Variants in POSTN observed in about 807,000 individuals in gnomAD.
POSTN encodes periostin.
In POSTN, 71 loss-of-function variants were observed where a neutral mutation model predicts 104.5. The observed-to-expected ratio is 0.68, with a 90% CI of 0.56 to 0.83. POSTN has a LOEUF of 0.83. POSTN is among the 40% of genes least tolerant of loss of function. The pLI is 0.00. For synonymous variants in POSTN, 355 were observed against 340.7 expected (o/e 1.04, Z -0.46); for missense variants, 949 against 1,006.8 (o/e 0.94, Z 0.78).
In POSTN at chr13:37,597,195, A is replaced by G. The variant is rs200631677; in HGVS notation, c.207T>C (p.Cys69=). ...TCKNWYKKSI[C]GQKTTVLYEC... ...AAAAAGAGACTTACGTTTTCTGTCC[A>G]CAGATGGACTTTTTATACCAGTTCT... Residue 69 remains cysteine, a synonymous_variant, in exon 2 of 23, where the codon TGT becomes TGC. Coordinates refer to ENST00000379747, the MANE Select transcript of POSTN (RefSeq NM_006475.3). 5.3e-5 allele frequency: 83 copies of G among 1,555,494 alleles called. No individual in the cohort carries two copies. The highest frequency in any genetic ancestry group is 1.3e-4 in the Admixed American group (6 of 45,338).
chr13:37,572,378 T>G (rs146589296), intron 17 of POSTN, among the ~76,000 whole-genome samples: 108 of 151,724 alleles, frequency 7.1e-4, no homozygotes, highest in African/African-American at 2.3e-3. Flanking sequence ...AAAGTAAAGT[T>G]TTTTGAAACC....
intron 22 of POSTN, among the ~76,000 whole-genome samples, 156 bp downstream of exon 22, chr13:37,564,363 T>A (rs899407447): frequency 6.6e-6 from 1 of 151,352 alleles, no homozygotes; most frequent in African/African-American, 2.4e-5. Context: ...TATTTTCTGA[T>A]TGTTATCAAA....
rs149175978 is a variant in POSTN at position 37,597,184 on chromosome 13, G to A, written c.218C>T (p.Thr73Met). 77 of 1,534,534 alleles carry A rather than the reference G, an allele frequency of 5.0e-5. No individual in the cohort carries two copies. Among genetic ancestry groups the A allele is most frequent in the Admixed American group, 3.5e-4 (15 of 42,636 alleles). Residue 73 changes from threonine (T) to methionine (M), a missense_variant and splice_region_variant, in exon 2 of 23, where the codon ACG becomes ATG. Coordinates refer to ENST00000379747, the MANE Select transcript of POSTN (RefSeq NM_006475.3). Reference protein sequence around the residue: ...WYKKSICGQKTTVLYECCPGY... With the variant: ...WYKKSICGQKMTVLYECCPGY... ...ATTATGAAAAAAAAAAGAGACTTACGTTTTCTGTCCACAGATGGACTTTTT... is the reference window on the plus strand; with the variant it reads ...ATTATGAAAAAAAAAAGAGACTTACATTTTCTGTCCACAGATGGACTTTTT...
rs1950214396 is a variant in POSTN at position 37,569,841 on chromosome 13, A to C, written c.2270-20T>G. On this transcript the variant is annotated intron_variant, in intron 19 of 22. Coordinates refer to ENST00000379747, the MANE Select transcript of POSTN (RefSeq NM_006475.3). ...CAGGACCTATGAGAAGGACAATGAA[A>C]AAGGTCTAAAACAGAAGTAGGCAAA... The C allele has an allele frequency of 6.5e-7, 1 of 1,540,236 alleles. No homozygotes were observed. The highest frequency in any genetic ancestry group is 1.4e-5 in the African/African-American group (1 of 72,652).
Position 37,583,828 on chromosome 13 carries a change from T to C in POSTN, c.1243+141A>G. On this transcript the variant is annotated intron_variant, in intron 9 of 22. Transcript: ENST00000379747. ...GAACATTTTAGTAGAGACCATGTAG[T>C]GTTAACACATTGTATGTGTAGCCAA... 5 of 902,414 alleles carry C rather than the reference T, an allele frequency of 5.5e-6. No individual in the cohort carries two copies. In the South Asian group the frequency reaches 9.7e-5, roughly 17 times the overall value. 55.9% of individuals were successfully genotyped at this position (902,414 alleles called of 1,614,324 possible).
At chr13:37,594,972 G>A (rs994651165) in intron 2 of POSTN, among the ~76,000 whole-genome samples, 36 of 148,692 alleles carry the variant, frequency 2.4e-4, no homozygotes, top group Non-Finnish European at 4.9e-4. Flanking sequence ...AGAAAAATAA[G>A]CTAATACAAT....
intron 2 of POSTN, among the ~76,000 whole-genome samples, chr13:37,595,786 A>G (rs1977278): frequency 0.75 from 114,308 of 151,532 alleles, 43,771 homozygotes; most frequent in Middle Eastern, 0.82. Context: ...GTCTACAAGA[A>G]GTTAAGTGAT....
At chr13:37,574,759 AGGATGT>A in intron 16 of POSTN, 107 bp from the exon 17 acceptor site, 2 of 1,338,276 alleles carry the variant, frequency 1.5e-6, no homozygotes, top group Non-Finnish European at 9.7e-7. Context: ...ACTAAGGCAC[AGGATGT>A]GGTAATATGT....
At chr13:37,587,323 G>T (rs1414835165) in intron 5 of POSTN, among the ~76,000 whole-genome samples, 3 of 152,134 alleles carry the variant, frequency 2.0e-5, no homozygotes, top group African/African-American at 7.2e-5. Context: ...TTATTGTATA[G>T]ATATAATTAG....
At chr13:37,589,972 G>A (rs1020378381) in intron 4 of POSTN, among the ~76,000 whole-genome samples, 16 of 151,904 alleles carry the variant, frequency 1.1e-4, no homozygotes, top group East Asian at 1.9e-4. Flanking sequence ...TTAAACATAC[G>A]TAATAAAATA....
chr13:37,590,051 C>A (rs1302542945), intron 4 of POSTN, among the ~76,000 whole-genome samples: 1 of 152,050 alleles, frequency 6.6e-6, no homozygotes, highest in Non-Finnish European at 1.5e-5. Context: ...TTCTGTTAGA[C>A]ATGTTATCTG....
chr13:37,582,441 G>A lies in POSTN; in HGVS notation c.1317C>T (p.Gly439=). The A allele has an allele frequency of 6.2e-7, 1 of 1,613,768 alleles. No homozygotes were observed. Among genetic ancestry groups the A allele is most frequent in the Non-Finnish European group, 8.5e-7 (1 of 1,179,806 alleles). ...TTTGCCCGTTGTAAAGCTCATTAAGGCCAACTTTTACTTTCAATATGTGAT... is the reference window on the plus strand; with the variant it reads ...TTTGCCCGTTGTAAAGCTCATTAAGACCAACTTTTACTTTCAATATGTGAT... ...LQNHILKVKV[G]LNELYNGQIL... Residue 439 remains glycine, a synonymous_variant, in exon 10 of 23, where the codon GGC becomes GGT. Coordinates refer to ENST00000379747, the MANE Select transcript of POSTN (RefSeq NM_006475.3).
chr13:37,567,070 A>G (rs1950126737), intron 21 of POSTN, among the ~76,000 whole-genome samples: 9 of 147,660 alleles, frequency 6.1e-5, no homozygotes, highest in Admixed American at 6.1e-4. Context: ...CCCCGTCTCT[A>G]CTAAAAATAC....
At chr13:37,576,203 G>A (rs1950404873) in intron 16 of POSTN, among the ~76,000 whole-genome samples, 1 of 152,070 alleles carries the variant, frequency 6.6e-6, no homozygotes, top group Admixed American at 6.6e-5. Flanking sequence ...TTATTTTGGG[G>A]ATGAGGATAA....
In POSTN at chr13:37,569,487, C is replaced by A; in HGVS notation, c.2348-104G>T. ...GCATCTGCCCAATAATGAATTCCAG[C>A]CCAACACTCGATTCTTTCACAAATT... On this transcript the variant is annotated intron_variant, in intron 20 of 22. Coordinates refer to ENST00000379747, the MANE Select transcript of POSTN (RefSeq NM_006475.3). 7.3e-6 allele frequency: 7 copies of A among 955,418 alleles called. No homozygotes were observed. The South Asian group carries it at 9.5e-5, about 13-fold the overall frequency. The allele number at this position is 955,418 out of a possible 1,614,324, so 59.2% of individuals were successfully genotyped here. A position where few individuals can be genotyped will look rare whatever the true frequency, so the allele number is the denominator to read the frequency against.
chr13:37,567,672 A>G (rs540418413), intron 21 of POSTN, among the ~76,000 whole-genome samples: 2 of 152,262 alleles, frequency 1.3e-5, no homozygotes, highest in Non-Finnish European at 2.9e-5. Context: ...CCTTACAGAT[A>G]TGTAGAGAGA....
At chr13:37,590,126 G>A (rs920207422) in intron 4 of POSTN, among the ~76,000 whole-genome samples, 1 of 151,982 alleles carries the variant, frequency 6.6e-6, no homozygotes, top group African/African-American at 2.4e-5. Context: ...AATAGTAAGT[G>A]CCCTTTTAGC....
At chr13:37,570,190 TA>T (rs1950224358) in intron 19 of POSTN, among the ~76,000 whole-genome samples, 1 of 151,882 alleles carries the variant, frequency 6.6e-6, no homozygotes. Flanking sequence ...TTGCTTTGTA[TA>T]AACTTGCTTC....
At chr13:37,573,852 T>C (rs1047022306) in intron 17 of POSTN, among the ~76,000 whole-genome samples, 1 of 151,614 alleles carries the variant, frequency 6.6e-6, no homozygotes, top group African/African-American at 2.4e-5. Context: ...TGAAGTTGGC[T>C]AACATACATA....
Sources: gnomAD v4.1 joint callset for allele counts (sites outside exome capture counted in the v4.1 genomes callset) on GRCh38, gnomAD v4.1.1 for gene constraint, MANE v1.5 for transcripts, NCBI Gene and HGNC (gene_info 2026-07-23, HGNC 2026-07-21) for gene names.